The following SCIN variants were observed in gnomAD, a reference collection of about 807,000 sequenced individuals.
SCIN encodes scinderin.
A neutral mutation model predicts 91.8 loss-of-function variants in SCIN; 91 were observed. That is an observed-to-expected ratio of 0.99 (90% CI 0.84 to 1.18). The LOEUF (loss-of-function observed/expected upper bound fraction) is 1.18. SCIN is among the 50% of genes most tolerant of loss of function. The pLI, the probability that SCIN is intolerant of heterozygous loss-of-function variation, is 0.00. For synonymous variants in SCIN, 367 were observed against 312.6 expected, an observed-to-expected ratio of 1.17 and a Z score of -1.84; for missense variants, 1,087 against 863.9, an observed-to-expected ratio of 1.26 and a Z score of -3.24.
intron 1 of SCIN, among the ~76,000 whole-genome samples, chr7:12,576,107 T>C (rs1184236957): frequency 3.9e-5 from 6 of 152,202 alleles, no homozygotes; most frequent in Non-Finnish European, 8.8e-5. Flanking sequence ...GTCAAATACA[T>C]CATCTTTAAC....
At chr7:12,602,659 A>G (rs1782982606) in intron 3 of SCIN, among the ~76,000 whole-genome samples, 2 of 152,158 alleles carry the variant, frequency 1.3e-5, no homozygotes, top group African/African-American at 2.4e-5. Context: ...GAATTTAGCG[A>G]TATCTCTCCT....
intron 2 of SCIN, 141 bp from the exon 3 acceptor site, chr7:12,580,919 T>C: frequency 1.5e-6 from 1 of 684,118 alleles, no homozygotes; most frequent in Non-Finnish European, 2.4e-6. Context: ...TTTTATGGAA[T>C]AGGTGGCTAT....
intron 4 of SCIN, among the ~76,000 whole-genome samples, chr7:12,605,339 C>G (rs533641515): frequency 5.3e-5 from 8 of 152,188 alleles, no homozygotes; most frequent in South Asian, 4.1e-4. Context: ...ATGAGCCACC[C>G]TGCCCGGCCT....
intron 1 of SCIN, among the ~76,000 whole-genome samples, chr7:12,574,945 T>C (rs1014360462): frequency 6.6e-6 from 1 of 152,182 alleles, no homozygotes; most frequent in African/African-American, 2.4e-5. Flanking sequence ...GACATCATTA[T>C]TATGTGGAGT....
At chr7:12,577,758 A>G (rs1052014094) in intron 1 of SCIN, 6 of 399,968 alleles carry the variant, frequency 1.5e-5, no homozygotes, top group African/African-American at 1.2e-4. Context: ...TGTGAGACTG[A>G]GGTAGGAGGA....
rs144138696 is a variant in SCIN at position 12,656,753 on chromosome 7, C to G, written c.*4038C>G. ...CCTGACCAACATAGTGAAACCCCGT[C>G]TCTACTAAAAATACAAAAAATTAGC... On this transcript the variant is annotated 3_prime_UTR_variant, in exon 16 of 16. Transcript: ENST00000297029. 0.051 allele frequency: 7,754 copies of G among 152,208 alleles called. 678 individuals are homozygous for G. Among genetic ancestry groups the G allele is most frequent in the African/African-American group, 0.18 (7,415 of 41,470 alleles). The allele number at this position is 152,208 out of a possible 1,614,324, so 9.4% of individuals were successfully genotyped here. A position where few individuals can be genotyped will look rare whatever the true frequency, so the allele number is the denominator to read the frequency against.
chr7:12,604,946 T>C (rs1468621613), intron 4 of SCIN, among the ~76,000 whole-genome samples: 11 of 152,158 alleles, frequency 7.2e-5, no homozygotes, highest in Admixed American at 2.6e-4. Flanking sequence ...AACAAATGAG[T>C]GACACTTCTG....
At chr7:12,577,935 T>C in intron 1 of SCIN, 129 bp from the exon 2 acceptor site, 1 of 758,470 alleles carries the variant, frequency 1.3e-6, no homozygotes, top group Non-Finnish European at 2.0e-6. Flanking sequence ...AGCTAAAAGA[T>C]CTTTGTGTAG....
At chr7:12,623,438 C>T (rs1783450575) in intron 5 of SCIN, among the ~76,000 whole-genome samples, 3 of 152,184 alleles carry the variant, frequency 2.0e-5, no homozygotes, top group Admixed American at 2.0e-4. Flanking sequence ...TGACTTTGCA[C>T]AGGACATAAC....
intron 4 of SCIN, 72 bp from the exon 5 acceptor site, chr7:12,622,729 G>A: frequency 2.0e-6 from 2 of 996,874 alleles, no homozygotes; most frequent in Non-Finnish European, 3.1e-6. Context: ...GTCTTTATAA[G>A]TGTATTTTTC....
intron 1 of SCIN, chr7:12,571,600 T>C (rs768921828): frequency 2.1e-6 from 1 of 468,550 alleles, no homozygotes; most frequent in South Asian, 1.6e-5. Context: ...TCCGCTTCAT[T>C]CGGAAGCTGG....
intron 3 of SCIN, among the ~76,000 whole-genome samples, chr7:12,590,139 C>G (rs987381170): frequency 7.2e-5 from 11 of 152,100 alleles, no homozygotes; most frequent in Admixed American, 7.2e-4. Context: ...CCAGGGAGAC[C>G]AAATGTAGGG....
intron 13 of SCIN, among the ~76,000 whole-genome samples, chr7:12,649,190 A>G (rs905753453): frequency 4.6e-5 from 7 of 152,162 alleles, no homozygotes; most frequent in African/African-American, 7.2e-5. Flanking sequence ...CAAAGTTCAG[A>G]ATAATTTAAG....
At chr7:12,594,821 G>T (rs1446229801) in intron 3 of SCIN, among the ~76,000 whole-genome samples, 9 of 152,130 alleles carry the variant, frequency 5.9e-5, no homozygotes, top group Admixed American at 5.9e-4. Flanking sequence ...GGAACCAGAG[G>T]CCTGGAGGCC....
At chr7:12,612,932 G>T (rs987157783) in intron 4 of SCIN, among the ~76,000 whole-genome samples, 1 of 152,086 alleles carries the variant, frequency 6.6e-6, no homozygotes, top group Non-Finnish European at 1.5e-5. Context: ...ATATTAATCA[G>T]TCCAAGTTAA....
At chr7:12,596,550 C>T (rs1782846200) in intron 3 of SCIN, 5 of 432,126 alleles carry the variant, frequency 1.2e-5, no homozygotes, top group Non-Finnish European at 2.3e-5. Context: ...AGGGCCCTCT[C>T]CTGCCCCACT....
intron 12 of SCIN, 52 bp from the exon 13 acceptor site, chr7:12,644,532 G>A (rs1039611241): frequency 2.1e-5 from 33 of 1,593,094 alleles, no homozygotes; most frequent in Middle Eastern, 1.7e-4. Flanking sequence ...TAAAGCGACA[G>A]CAAGCATATG....
chr7:12,632,401 G>C (rs955814678), intron 9 of SCIN, among the ~76,000 whole-genome samples: 6 of 152,100 alleles, frequency 3.9e-5, no homozygotes, highest in African/African-American at 1.4e-4. Context: ...AAAGTGTTGA[G>C]ATTACAGGCA....
intron 4 of SCIN, among the ~76,000 whole-genome samples, chr7:12,606,449 A>G (rs1203144988): frequency 6.6e-6 from 1 of 152,220 alleles, no homozygotes; most frequent in Non-Finnish European, 1.5e-5. Context: ...GTGATCAGAA[A>G]TTATATGAAA....
Sources: gnomAD v4.1 joint callset for allele counts (sites outside exome capture counted in the v4.1 genomes callset) on GRCh38, gnomAD v4.1.1 for gene constraint, MANE v1.5 for transcripts, NCBI Gene and HGNC (gene_info 2026-07-23, HGNC 2026-07-21) for gene names.